The following CTNNA2 variants were observed in gnomAD, a reference collection of about 807,000 sequenced individuals.
CTNNA2 encodes catenin alpha-2.
Under a neutral mutation model 101.0 loss-of-function variants are expected in CTNNA2, and 42 were observed. The observed-to-expected ratio is 0.42, with a 90% CI of 0.32 to 0.54. The LOEUF is 0.54. Ranked by LOEUF, CTNNA2 falls within the 20% of genes least tolerant of loss-of-function variation. The pLI is 0.14. For synonymous variants in CTNNA2, 450 were observed against 456.4 expected, an observed-to-expected ratio of 0.99 and a Z score of 0.18; for missense variants, 871 against 1,223.1, an observed-to-expected ratio of 0.71 and a Z score of 4.29.
intron 7 of CTNNA2, among the ~76,000 whole-genome samples, chr2:79,921,825 A>G (rs1363302947): frequency 1.3e-5 from 2 of 152,132 alleles, no homozygotes; most frequent in African/African-American, 2.4e-5. Flanking sequence ...TTTGGTGACT[A>G]TTGTAGGGAA....
intron 7 of CTNNA2, among the ~76,000 whole-genome samples, chr2:80,075,793 A>T (rs148582672): frequency 0.017 from 2,289 of 138,156 alleles, 239 homozygotes; most frequent in African/African-American, 0.061. Flanking sequence ...ATATTTATAC[A>T]TGTATAAATA....
rs1396755824 is a variant in CTNNA2 at position 79,569,762 on chromosome 2, T to A, written c.-6+56555T>A. Among the ~76,000 whole-genome samples, 20 of 152,344 alleles carry A rather than the reference T, an allele frequency of 1.3e-4. No homozygotes were observed. The East Asian group carries it at 3.9e-3, about 29-fold the overall frequency. ...TTAAAACATATGTAGGCTCAGGCTT[T>A]ACTTTTTTAAGTAAGTTAAATATAA... On this transcript the variant is annotated intron_variant, in intron 1 of 18. Coordinates refer to ENST00000402739, the MANE Select transcript of CTNNA2 (RefSeq NM_001282597.3).
intron 7 of CTNNA2, among the ~76,000 whole-genome samples, chr2:80,354,462 A>G (rs1673592708): frequency 6.6e-6 from 1 of 152,156 alleles, no homozygotes; most frequent in South Asian, 2.1e-4. Flanking sequence ...CCTCTTGCAA[A>G]CAGAGTGCAT....
intron 1 of CTNNA2, among the ~76,000 whole-genome samples, chr2:79,614,644 ATTC>A (rs1276810238): frequency 6.6e-6 from 1 of 152,292 alleles, no homozygotes; most frequent in African/African-American, 2.4e-5. Context: ...ATAAAATGAT[ATTC>A]TTATTAACTA....
chr2:79,592,051 TCTTA>T (rs1452276895), intron 1 of CTNNA2, among the ~76,000 whole-genome samples: 5 of 151,860 alleles, frequency 3.3e-5, no homozygotes, highest in Admixed American at 6.6e-5. Context: ...TCTGTTTTCC[TCTTA>T]CTTAGTCTCA....
chr2:80,574,981 C>A (rs1214861206), intron 13 of CTNNA2: 1 of 152,160 alleles, frequency 6.6e-6, no homozygotes, highest in Non-Finnish European at 1.5e-5. Flanking sequence ...TGTTCACCCA[C>A]AAGGCACATT....
intron 7 of CTNNA2, among the ~76,000 whole-genome samples, chr2:80,067,414 T>C (rs953356260): frequency 6.6e-6 from 1 of 152,114 alleles, no homozygotes; most frequent in African/African-American, 2.4e-5. Flanking sequence ...TATAAACATA[T>C]ATAATTTTAT....
At chr2:80,201,617 C>T (rs551954399) in intron 7 of CTNNA2, among the ~76,000 whole-genome samples, 113 of 151,958 alleles carry the variant, frequency 7.4e-4, no homozygotes, top group African/African-American at 2.4e-3. Context: ...CCTCGTAATC[C>T]GCCTGCCTCG....
Position 80,164,950 on chromosome 2 carries a change from T to TTTGTTTGTTTTG in CTNNA2, c.1057-228259_1057-228258insGTTTGTTTTGTT, listed in dbSNP as rs1553461431. Among the ~76,000 whole-genome samples the TTTGTTTGTTTTG allele has an allele frequency of 6.4e-4, 95 of 148,846 alleles. 1 individual carries two copies. The highest frequency in any genetic ancestry group is 2.2e-3 in the African/African-American group (88 of 39,732). On this transcript the variant is annotated intron_variant, in intron 7 of 18. Coordinates refer to ENST00000402739, the MANE Select transcript of CTNNA2 (RefSeq NM_001282597.3). ...TTTCCCAACTTTTGGTTTTTTTTTTTTTTTTTTCTAGATAAGACTTGTATT... is the reference window on the plus strand; with the variant it reads ...TTTCCCAACTTTTGGTTTTTTTTTTTTTGTTTGTTTTGTTTTTTTCTAGATAAGACTTGTATT...
At chr2:79,648,185 A>G (rs1680958977) in intron 1 of CTNNA2, among the ~76,000 whole-genome samples, 1 of 152,152 alleles carries the variant, frequency 6.6e-6, no homozygotes, top group Non-Finnish European at 1.5e-5. Flanking sequence ...GCGGGATGAC[A>G]TTCTCAGTTA....
intron 1 of CTNNA2, among the ~76,000 whole-genome samples, chr2:79,543,509 C>A (rs1177525712): frequency 6.6e-6 from 1 of 152,114 alleles, no homozygotes; most frequent in African/African-American, 2.4e-5. Context: ...GTTAGAAATA[C>A]ATTTTTGACT....
chr2:80,569,553 T>C (rs1168389225), intron 12 of CTNNA2, among the ~76,000 whole-genome samples: 2 of 151,580 alleles, frequency 1.3e-5, no homozygotes, highest in Admixed American at 6.6e-5. Context: ...TTTGTCCTAA[T>C]TAGTGAGAGG....
At chr2:79,845,311 A>G (rs1386065423) in intron 3 of CTNNA2, among the ~76,000 whole-genome samples, 1 of 151,662 alleles carries the variant, frequency 6.6e-6, no homozygotes, top group Non-Finnish European at 1.5e-5. Context: ...TTGTGACTTC[A>G]TGTTGAATAT....
At chr2:80,030,431 T>TAGC (rs918390929) in intron 7 of CTNNA2, 5 of 152,068 alleles carry the variant, frequency 3.3e-5, no homozygotes, top group African/African-American at 1.2e-4. Flanking sequence ...TGACACTGAG[T>TAGC]AGCAGTGTCA....
intron 7 of CTNNA2, among the ~76,000 whole-genome samples, chr2:80,308,478 A>G (rs1362218077): frequency 1.3e-5 from 2 of 152,184 alleles, no homozygotes; most frequent in Non-Finnish European, 2.9e-5. Flanking sequence ...GGGAGTCACA[A>G]TTTCAAAAAG....
chr2:80,526,868 G>A (rs1690084418), intron 9 of CTNNA2, among the ~76,000 whole-genome samples: 1 of 152,202 alleles, frequency 6.6e-6, no homozygotes, highest in South Asian at 2.1e-4. Flanking sequence ...GGATTTCCTT[G>A]AATGCAAACT....
At chr2:79,749,578 C>A (rs1174384218) in intron 3 of CTNNA2, among the ~76,000 whole-genome samples, 3 of 152,014 alleles carry the variant, frequency 2.0e-5, no homozygotes, top group Admixed American at 2.0e-4. Context: ...TTTCTTTCTT[C>A]TCCTGAGGCA....
intron 4 of CTNNA2, among the ~76,000 whole-genome samples, chr2:79,414,638 T>C (rs1678457390): frequency 6.6e-6 from 1 of 152,098 alleles, no homozygotes; most frequent in African/African-American, 2.4e-5. Context: ...GCCAATTAAA[T>C]ATTATGAAAA....
At chr2:79,947,149 A>G (rs1476574241) in intron 7 of CTNNA2, among the ~76,000 whole-genome samples, 1 of 152,238 alleles carries the variant, frequency 6.6e-6, no homozygotes, top group African/African-American at 2.4e-5. Flanking sequence ...TTCTGGGATC[A>G]TATTTAGTAT....
Sources: gnomAD v4.1 joint callset for allele counts (sites outside exome capture counted in the v4.1 genomes callset) on GRCh38, gnomAD v4.1.1 for gene constraint, MANE v1.5 for transcripts, NCBI Gene and HGNC (gene_info 2026-07-23, HGNC 2026-07-21) for gene names.